Variants in FMN2 observed in about 807,000 individuals in gnomAD.
FMN2 encodes formin 2.
In FMN2, 51 loss-of-function variants were observed where a neutral mutation model predicts 142.3. That is an observed-to-expected ratio of 0.36 (90% CI 0.29 to 0.45). The LOEUF (loss-of-function observed/expected upper bound fraction) is 0.45. FMN2 is among the 20% of genes least tolerant of loss of function. FMN2 has a pLI of 1.00. For synonymous variants in FMN2, 882 were observed against 869.8 expected (o/e 1.01, Z -0.25); for missense variants, 1,936 against 2,122.8 (o/e 0.91, Z 1.73).
At chr1:240,122,194 T>A (rs2103217148) in intron 1 of FMN2, among the ~76,000 whole-genome samples, 1 of 151,960 alleles carries the variant, frequency 6.6e-6, no homozygotes, top group South Asian at 2.1e-4. Flanking sequence ...TTCAAGCGAT[T>A]CTCCTGTCTC....
chr1:240,239,376 G>T (rs917620003), intron 6 of FMN2, among the ~76,000 whole-genome samples: 1 of 152,190 alleles, frequency 6.6e-6, no homozygotes. Context: ...CCATCAGAAA[G>T]AAGACTATTT....
At chr1:240,297,209 G>A (rs17672659) in intron 8 of FMN2, among the ~76,000 whole-genome samples, 7,769 of 152,156 alleles carry the variant, frequency 0.051, 266 homozygotes, top group Middle Eastern at 0.088. Flanking sequence ...GTGTATCTAG[G>A]AATGAATGTC....
intron 15 of FMN2, among the ~76,000 whole-genome samples, chr1:240,399,262 T>A (rs1371714125): frequency 6.6e-6 from 1 of 152,200 alleles, no homozygotes; most frequent in Non-Finnish European, 1.5e-5. Context: ...AATTTCCTTT[T>A]CTTCCATTTA....
At chr1:240,255,530 A>G (rs113091786) in intron 6 of FMN2, among the ~76,000 whole-genome samples, 38 of 152,280 alleles carry the variant, frequency 2.5e-4, no homozygotes, top group African/African-American at 8.9e-4. Flanking sequence ...AGAGTTAAGG[A>G]GGAGGGGTGG....
intron 4 of FMN2, among the ~76,000 whole-genome samples, chr1:240,194,987 C>T (rs914594760): frequency 2.0e-5 from 3 of 151,952 alleles, no homozygotes; most frequent in Admixed American, 6.6e-5. Flanking sequence ...ATGTAAAATG[C>T]TTTGGAGGAG....
chr1:240,397,910 C>A (rs1228443096), intron 15 of FMN2, among the ~76,000 whole-genome samples: 5 of 149,510 alleles, frequency 3.3e-5, no homozygotes, highest in Non-Finnish European at 7.4e-5. Context: ...ATAAAATTAA[C>A]TATCACAATT....
At chr1:240,216,955 A>G (rs1231157023) in intron 6 of FMN2, among the ~76,000 whole-genome samples, 1 of 152,170 alleles carries the variant, frequency 6.6e-6, no homozygotes, top group Non-Finnish European at 1.5e-5. Context: ...TCTCAAAAAA[A>G]AAAAAAGTTA....
chr1:240,296,297 A>G (rs565177862), intron 8 of FMN2, among the ~76,000 whole-genome samples: 1 of 151,638 alleles, frequency 6.6e-6, no homozygotes, highest in Non-Finnish European at 1.5e-5. Flanking sequence ...GAAGTGTGAT[A>G]TGAGAGATGT....
At chr1:240,181,049 G>A (rs1257004266) in intron 3 of FMN2, among the ~76,000 whole-genome samples, 1 of 151,826 alleles carries the variant, frequency 6.6e-6, no homozygotes, top group East Asian at 1.9e-4. Context: ...CTGTCGCCCA[G>A]GCTGGAGTGC....
intron 2 of FMN2, among the ~76,000 whole-genome samples, chr1:240,150,887 A>G (rs1400793882): frequency 6.6e-6 from 1 of 152,204 alleles, no homozygotes; most frequent in Non-Finnish European, 1.5e-5. Context: ...TGGAATAATC[A>G]TTACAGGCTC....
At chr1:240,325,989 G>A (rs1671159262) in intron 8 of FMN2, among the ~76,000 whole-genome samples, 1 of 151,964 alleles carries the variant, frequency 6.6e-6, no homozygotes, top group Admixed American at 6.5e-5. Flanking sequence ...GTGAGTCAAT[G>A]AAAATGTTGT....
At chr1:240,442,128 A>C (rs1255630861) in intron 16 of FMN2, among the ~76,000 whole-genome samples, 1 of 152,022 alleles carries the variant, frequency 6.6e-6, no homozygotes, top group Non-Finnish European at 1.5e-5. Flanking sequence ...TCCTCTCTCT[A>C]TTCTTTCTCC....
At chr1:240,425,204 T>TGA (rs142399934) in intron 15 of FMN2, among the ~76,000 whole-genome samples, 5,978 of 134,886 alleles carry the variant, frequency 0.044, 391 homozygotes, top group African/African-American at 0.15. Context: ...TTGAATGAGG[T>TGA]GAGAGAGAGA....
chr1:240,337,815 T>C (rs1458667769), intron 13 of FMN2, among the ~76,000 whole-genome samples: 1 of 152,180 alleles, frequency 6.6e-6, no homozygotes, highest in Non-Finnish European at 1.5e-5. Context: ...CTGAATCTCA[T>C]TTTAGCATTT....
At chr1:240,107,880 T>C (rs1426952767) in intron 1 of FMN2, among the ~76,000 whole-genome samples, 1 of 152,320 alleles carries the variant, frequency 6.6e-6, no homozygotes, top group South Asian at 2.1e-4. Context: ...TTTGCTATAA[T>C]TGATGTGGAA....
At chr1:240,202,046 C>G (rs1666145390) in intron 4 of FMN2, among the ~76,000 whole-genome samples, 1 of 152,166 alleles carries the variant, frequency 6.6e-6, no homozygotes, top group South Asian at 2.1e-4. Flanking sequence ...ACAGAGCAGT[C>G]CAGACACGGG....
At chr1:240,192,442 C>T (rs746149206) in intron 4 of FMN2, among the ~76,000 whole-genome samples, 2 of 152,126 alleles carry the variant, frequency 1.3e-5, no homozygotes, top group African/African-American at 2.4e-5. Flanking sequence ...TCTAAAGAAA[C>T]ATTGTTGAGT....
intron 1 of FMN2, among the ~76,000 whole-genome samples, chr1:240,107,249 G>C (rs1661648856): frequency 6.6e-6 from 1 of 152,088 alleles, no homozygotes; most frequent in African/African-American, 2.4e-5. Flanking sequence ...ACTGAGTGAA[G>C]ATCAAATGGG....
At chr1:240,180,965 T>C (rs1302364049) in intron 3 of FMN2, among the ~76,000 whole-genome samples, 1 of 152,126 alleles carries the variant, frequency 6.6e-6, no homozygotes, top group Non-Finnish European at 1.5e-5. Context: ...GACTTTTTTT[T>C]TTCCTGCGTG....
Sources: allele counts gnomAD v4.1 joint callset (sites outside exome capture counted in the v4.1 genomes callset), GRCh38; gene constraint gnomAD v4.1.1; transcripts MANE v1.5; gene names NCBI Gene and HGNC (gene_info 2026-07-23, HGNC 2026-07-21).